The following KAZN variants were observed in gnomAD, a reference collection of about 807,000 sequenced individuals.
KAZN encodes the protein kazrin, periplakin interacting protein.
KAZN carries 40 observed loss-of-function variants against 87.4 expected under a neutral mutation model. That is an observed-to-expected ratio of 0.46 (90% CI 0.36 to 0.60). KAZN has a LOEUF of 0.60. Among genes scored for constraint, KAZN ranks in the 20% least tolerant of loss-of-function variants. KAZN has a pLI of 0.00. For missense variants in KAZN, 898 were observed against 1,073.9 expected, an observed-to-expected ratio of 0.84 and a Z score of 2.29; for synonymous variants, 466 against 458.3, an observed-to-expected ratio of 1.02 and a Z score of -0.22.
rs183413736 is a variant in KAZN, at chr1:14,457,929, C to T, written c.250-141054C>T. Among the ~76,000 whole-genome samples the T allele has an allele frequency of 9.9e-3, 1,506 of 151,872 alleles. 23 individuals are homozygous for T. The highest frequency in any genetic ancestry group is 0.034 in the African/African-American group (1,409 of 41,392). On this transcript the variant is annotated intron_variant, in intron 2 of 16. Transcript: ENST00000636203. Reference sequence around the variant, plus strand: ...GCCTCCCGTGTTCACGCCATTCTCCCGCCTCAGCCTCCCAAGTAGCTGGGA... The same window carrying T: ...GCCTCCCGTGTTCACGCCATTCTCCTGCCTCAGCCTCCCAAGTAGCTGGGA...
At chr1:14,513,584 G>A (rs1480169557) in intron 2 of KAZN, among the ~76,000 whole-genome samples, 4 of 152,128 alleles carry the variant, frequency 2.6e-5, no homozygotes, top group Non-Finnish European at 5.9e-5. Context: ...TCATGAAATA[G>A]AAGAATTGCA....
intron 1 of KAZN, among the ~76,000 whole-genome samples, chr1:14,913,619 C>T (rs886875320): frequency 6.6e-6 from 1 of 152,246 alleles, no homozygotes; most frequent in African/African-American, 2.4e-5. Context: ...ACTGTCTGGG[C>T]TTGGCCCATG....
chr1:14,754,009 G>A (rs1296567063), intron 1 of KAZN, among the ~76,000 whole-genome samples: 2 of 152,130 alleles, frequency 1.3e-5, no homozygotes, highest in Non-Finnish European at 2.9e-5. Flanking sequence ...TTCCTCTATG[G>A]GACACTTGGC....
intron 1 of KAZN, among the ~76,000 whole-genome samples, chr1:14,111,793 G>A (rs1456691172): frequency 6.8e-6 from 1 of 147,472 alleles, no homozygotes; most frequent in African/African-American, 2.5e-5. Context: ...AGGCTGCAGT[G>A]CAGTGGCATG....
At chr1:14,145,166 G>A (rs1645319211) in intron 1 of KAZN, among the ~76,000 whole-genome samples, 1 of 152,106 alleles carries the variant, frequency 6.6e-6, no homozygotes. Flanking sequence ...GTCTTGGCTG[G>A]GTGCTGTGGC....
At chr1:14,986,421 G>A (rs1271080106) in intron 2 of KAZN, among the ~76,000 whole-genome samples, 1 of 152,170 alleles carries the variant, frequency 6.6e-6, no homozygotes, top group Non-Finnish European at 1.5e-5. Context: ...TTGCAGAGAG[G>A]AAACTTGTGT....
At chr1:14,459,265 G>A (rs1301463335) in intron 2 of KAZN, among the ~76,000 whole-genome samples, 1 of 151,926 alleles carries the variant, frequency 6.6e-6, no homozygotes, top group Admixed American at 6.6e-5. Context: ...GTGCGCGTGT[G>A]TGTGTGTGTG....
At chr1:14,821,879 G>A (rs550670731) in intron 1 of KAZN, among the ~76,000 whole-genome samples, 1 of 152,324 alleles carries the variant, frequency 6.6e-6, no homozygotes, top group East Asian at 1.9e-4. Context: ...CCTCCAAGGA[G>A]CAGAGTCCCG....
At chr1:14,000,534 A>T (rs1397249320) in intron 1 of KAZN, among the ~76,000 whole-genome samples, 1 of 152,208 alleles carries the variant, frequency 6.6e-6, no homozygotes, top group South Asian at 2.1e-4. Flanking sequence ...TAAACTAGGC[A>T]TTGATGGAAC....
intron 2 of KAZN, among the ~76,000 whole-genome samples, chr1:14,199,310 C>T (rs1377577647): frequency 2.0e-5 from 3 of 152,188 alleles, no homozygotes; most frequent in South Asian, 2.1e-4. Context: ...GGCAGTGGGA[C>T]TCTCCGATCT....
intron 1 of KAZN, among the ~76,000 whole-genome samples, chr1:13,926,861 C>T (rs1640299489): frequency 6.6e-6 from 1 of 152,128 alleles, no homozygotes; most frequent in African/African-American, 2.4e-5. Flanking sequence ...GCTAGGGAGA[C>T]AAGAAACATT....
chr1:14,157,084 C>T (rs1233172194), intron 1 of KAZN, among the ~76,000 whole-genome samples: 1 of 151,864 alleles, frequency 6.6e-6, no homozygotes, highest in African/African-American at 2.4e-5. Flanking sequence ...ATAACAGCAC[C>T]ATTTGCATAA....
intron 1 of KAZN, among the ~76,000 whole-genome samples, chr1:14,015,242 T>G (rs1236731629): frequency 6.6e-6 from 1 of 151,944 alleles, no homozygotes; most frequent in Non-Finnish European, 1.5e-5. Context: ...TCACCAGACT[T>G]TCCTCTTCTT....
At position 15,112,551 on chromosome 1, in the gene KAZN, T is replaced by C; in HGVS notation, c.2163+10T>C. On this transcript the variant is annotated intron_variant, in intron 14 of 14. Transcript: ENST00000376030. Reference sequence around the variant, plus strand: ...GTACAAGGCTGGCCGGGTAAGTCTCTCAATGGATTTACCTGTGAGTCCTGC... The same window carrying C: ...GTACAAGGCTGGCCGGGTAAGTCTCCCAATGGATTTACCTGTGAGTCCTGC... 2.4e-6 allele frequency: 3 copies of C among 1,251,590 alleles called. No individual in the cohort carries two copies. The highest frequency in any genetic ancestry group is 2.2e-6 in the Non-Finnish European group (2 of 903,570). 77.5% of individuals were successfully genotyped at this position (1,251,590 alleles called of 1,614,324 possible).
At chr1:13,979,865 A>G (rs1157861741) in intron 1 of KAZN, among the ~76,000 whole-genome samples, 1 of 148,860 alleles carries the variant, frequency 6.7e-6, no homozygotes, top group Non-Finnish European at 1.5e-5. Context: ...CTGGAGGCAG[A>G]GCTTGCAGTG....
At chr1:13,937,461 C>T (rs764328546) in intron 1 of KAZN, among the ~76,000 whole-genome samples, 2 of 152,216 alleles carry the variant, frequency 1.3e-5, no homozygotes, top group Non-Finnish European at 2.9e-5. Flanking sequence ...AATATTTTCT[C>T]CCATTGCATA....
chr1:14,683,445 C>G (rs1640786550), intron 1 of KAZN, among the ~76,000 whole-genome samples: 1 of 152,148 alleles, frequency 6.6e-6, no homozygotes, highest in African/African-American at 2.4e-5. Context: ...ACTCAAGATG[C>G]TATTAGGCAT....
chr1:14,474,289 G>C (rs969447297), intron 2 of KAZN, among the ~76,000 whole-genome samples: 5 of 152,044 alleles, frequency 3.3e-5, no homozygotes, highest in African/African-American at 1.2e-4. Context: ...ATTTATGATA[G>C]GGGTAAACGT....
intron 1 of KAZN, among the ~76,000 whole-genome samples, chr1:14,689,968 C>T (rs1641185604): frequency 6.6e-6 from 1 of 152,172 alleles, no homozygotes. Context: ...GCAGGGTTTC[C>T]ATCTTCTCTG....
Sources: gnomAD v4.1 joint callset for allele counts (sites outside exome capture counted in the v4.1 genomes callset) on GRCh38, gnomAD v4.1.1 for gene constraint, MANE v1.5 for transcripts, NCBI Gene and HGNC (gene_info 2026-07-23, HGNC 2026-07-21) for gene names.